Variants in RARB observed in about 807,000 individuals in gnomAD.
RARB encodes HBV-activated protein.
RARB carries 17 observed loss-of-function variants against 51.9 expected under a neutral mutation model. The observed-to-expected ratio is 0.33, with a 90% CI of 0.22 to 0.49. The LOEUF (loss-of-function observed/expected upper bound fraction) is 0.49. Ranked by LOEUF, RARB falls within the 20% of genes least tolerant of loss-of-function variation. The probability of loss-of-function intolerance (pLI) is 0.99; values close to 1 mark genes in which losing one functional copy is unlikely to be tolerated. For missense variants in RARB, 369 were observed against 550.8 expected (o/e 0.67, Z 3.30); for synonymous variants, 215 against 195.4 (o/e 1.10, Z -0.84).
At chr3:25,294,658 C>G (rs1005311896) in intron 5 of RARB, among the ~76,000 whole-genome samples, 3 of 152,178 alleles carry the variant, frequency 2.0e-5, no homozygotes, top group Non-Finnish European at 4.4e-5. Context: ...GTGGGAGAAG[C>G]CACCTAAGGC....
At chr3:25,389,720 C>T (rs1455143715) in intron 5 of RARB, among the ~76,000 whole-genome samples, 1 of 152,154 alleles carries the variant, frequency 6.6e-6, no homozygotes, top group Non-Finnish European at 1.5e-5. Context: ...ACCTAAAAAT[C>T]AATAGAATGT....
intron 2 of RARB, among the ~76,000 whole-genome samples, chr3:25,494,276 C>CACACACACACACACACACACAT (rs1225872441): frequency 6.9e-6 from 1 of 144,820 alleles, no homozygotes; most frequent in Non-Finnish European, 1.6e-5. Flanking sequence ...CACACACACA[C>CACACACACACACACACACACAT]ACATGCCATC....
intron 2 of RARB, among the ~76,000 whole-genome samples, chr3:24,892,680 A>T (rs1334899208): frequency 6.6e-6 from 1 of 152,220 alleles, no homozygotes; most frequent in Admixed American, 6.5e-5. Context: ...AAGGAATCCT[A>T]AAAGTATTTT....
chr3:25,428,745 T>C lies in RARB; in HGVS notation c.14T>C (p.Met5Thr). The C allele has an allele frequency of 6.2e-7, 1 of 1,614,080 alleles. No homozygotes were observed. Among genetic ancestry groups the C allele is most frequent in the South Asian group, 1.1e-5 (1 of 91,080 alleles). The change falls in exon 1 of 8, where the codon ATG (methionine) becomes ACG (threonine). Residue 5 changes from methionine to threonine, a missense_variant. Met to Thr is a moderately conservative substitution (Grantham distance 81). Coordinates refer to ENST00000330688, the MANE Select transcript of RARB (RefSeq NM_000965.5). The stretch of plus-strand genomic sequence containing the variant: ...GCAAGGGAGATCATGTTTGACTGTA[T>C]GGATGTTCTGTCAGTGAGTCCTGGG... Reference protein sequence around the residue: MFDCMDVLSVSPGQI... With the variant: MFDCTDVLSVSPGQI...
intron 5 of RARB, among the ~76,000 whole-genome samples, chr3:25,308,435 G>T (rs1020349832): frequency 6.4e-4 from 93 of 145,790 alleles, no homozygotes; most frequent in African/African-American, 2.3e-3. Context: ...TCCCTGACTG[G>T]TTTTCTTTCT....
chr3:25,455,316 G>C (rs1001213854), intron 1 of RARB, among the ~76,000 whole-genome samples: 2 of 152,162 alleles, frequency 1.3e-5, no homozygotes, highest in African/African-American at 4.8e-5. Context: ...ATCAATCCAT[G>C]AGGGATTGGG....
intron 5 of RARB, among the ~76,000 whole-genome samples, chr3:25,591,244 G>C (rs1701599092): frequency 6.6e-6 from 1 of 152,202 alleles, no homozygotes; most frequent in Non-Finnish European, 1.5e-5. Flanking sequence ...ACATTAAGAA[G>C]TTTGAGGACA....
chr3:25,001,763 C>T (rs1255469921), intron 2 of RARB, among the ~76,000 whole-genome samples: 1 of 152,140 alleles, frequency 6.6e-6, no homozygotes, highest in Non-Finnish European at 1.5e-5. Context: ...TTACTTATCT[C>T]AAGTTTCATT....
intron 3 of RARB, among the ~76,000 whole-genome samples, chr3:25,521,259 T>C (rs1012377628): frequency 6.6e-6 from 1 of 152,220 alleles, no homozygotes; most frequent in African/African-American, 2.4e-5. Flanking sequence ...TTCCCCGGCC[T>C]ACTTAGCTTT....
At chr3:25,020,129 TA>T (rs1697599870) in intron 2 of RARB, 1 of 38,204 alleles carries the variant, frequency 2.6e-5, no homozygotes, top group African/African-American at 2.3e-4. Context: ...TTATTATTAT[TA>T]TTATTATTAT....
intron 3 of RARB, among the ~76,000 whole-genome samples, chr3:25,566,320 A>G (rs2125684181): frequency 6.6e-6 from 1 of 152,272 alleles, no homozygotes; most frequent in South Asian, 2.1e-4. Flanking sequence ...GTGGGTGTGG[A>G]AGAATTTGTG....
chr3:25,536,863 T>G (rs911457695), intron 3 of RARB, among the ~76,000 whole-genome samples: 7 of 152,154 alleles, frequency 4.6e-5, no homozygotes, highest in African/African-American at 1.7e-4. Context: ...TTAGAAGCCC[T>G]AGGAAAAGAA....
chr3:25,577,979 T>C (rs942885973), intron 4 of RARB, among the ~76,000 whole-genome samples: 11 of 152,226 alleles, frequency 7.2e-5, no homozygotes, highest in African/African-American at 2.2e-4. Context: ...CGGCAGCAGA[T>C]GGAGGAGAGC....
intron 2 of RARB, among the ~76,000 whole-genome samples, chr3:24,986,013 A>T (rs1012175640): frequency 5.3e-5 from 8 of 152,236 alleles, no homozygotes; most frequent in Non-Finnish European, 1.2e-4. Flanking sequence ...ATATGAGCAT[A>T]CTTTTCTCCC....
intron 2 of RARB, among the ~76,000 whole-genome samples, chr3:24,900,184 C>T (rs778004767): frequency 6.6e-6 from 1 of 152,130 alleles, no homozygotes; most frequent in Non-Finnish European, 1.5e-5. Context: ...TTGGTAGACT[C>T]CAAGGATTGT....
chr3:24,921,554 C>T (rs1695216526), intron 2 of RARB, among the ~76,000 whole-genome samples: 1 of 152,152 alleles, frequency 6.6e-6, no homozygotes, highest in Non-Finnish European at 1.5e-5. Flanking sequence ...TACCAGTGAG[C>T]TTCCTGCCTC....
chr3:25,295,923 T>C (rs1485493100), intron 5 of RARB, among the ~76,000 whole-genome samples: 10 of 152,166 alleles, frequency 6.6e-5, no homozygotes, highest in Non-Finnish European at 4.4e-5. Flanking sequence ...CAAGGATATA[T>C]GGAGATGGAG....
intron 2 of RARB, among the ~76,000 whole-genome samples, chr3:25,049,594 C>T (rs1698286192): frequency 6.6e-6 from 1 of 152,168 alleles, no homozygotes. Context: ...ATGTCTATAC[C>T]ACATGCTTTT....
At chr3:25,163,351 A>G (rs566141785) in intron 4 of RARB, among the ~76,000 whole-genome samples, 38 of 151,966 alleles carry the variant, frequency 2.5e-4, no homozygotes, top group African/African-American at 9.2e-4. Flanking sequence ...AAAAAAAATA[A>G]AAAATTAGTT....
Sources: allele counts gnomAD v4.1 joint callset (sites outside exome capture counted in the v4.1 genomes callset), GRCh38; gene constraint gnomAD v4.1.1; transcripts MANE v1.5; gene names NCBI Gene and HGNC (gene_info 2026-07-23, HGNC 2026-07-21).